Variants in GRB10 observed in about 807,000 individuals in gnomAD.
GRB10 encodes growth factor receptor-bound protein 10.
GRB10 carries 20 observed loss-of-function variants against 80.9 expected under a neutral mutation model. The ratio of observed to expected loss-of-function variants is 0.25; its 90% CI spans 0.17 to 0.36. The LOEUF (loss-of-function observed/expected upper bound fraction) is 0.36, where lower values mean the gene tolerates loss of function less well. Among genes scored for constraint, GRB10 ranks in the 10% least tolerant of loss-of-function variants. GRB10 has a pLI of 1.00. For synonymous variants in GRB10, 291 were observed against 291.5 expected (o/e 1.00, Z 0.02); for missense variants, 548 against 747.7 (o/e 0.73, Z 3.12).
At chr7:50,623,124 C>T (rs1389154843) in intron 8 of GRB10, among the ~76,000 whole-genome samples, 2 of 152,170 alleles carry the variant, frequency 1.3e-5, no homozygotes, top group Non-Finnish European at 2.9e-5. Context: ...TCCAAAAAAC[C>T]TGCCCCATTC....
At chr7:50,712,189 C>T (rs958464538) in intron 4 of GRB10, among the ~76,000 whole-genome samples, 3 of 152,168 alleles carry the variant, frequency 2.0e-5, no homozygotes, top group Admixed American at 6.5e-5. Context: ...AAACTAGTCC[C>T]TCAAATGGAA....
chr7:50,610,835 C>A (rs1330744734), intron 13 of GRB10, among the ~76,000 whole-genome samples: 1 of 152,180 alleles, frequency 6.6e-6, no homozygotes, highest in Admixed American at 6.5e-5. Flanking sequence ...GTCACTCTGC[C>A]CACATCCTTT....
intron 4 of GRB10, among the ~76,000 whole-genome samples, chr7:50,709,554 A>ACT (rs570427018): frequency 1.4e-5 from 1 of 69,332 alleles, no homozygotes; most frequent in Non-Finnish European, 3.4e-5. Flanking sequence ...CCTCCATTAA[A>ACT]CTCTTTTTTT....
chr7:50,726,632 C>T lies in GRB10; in HGVS notation c.51+5640G>A, dbSNP rs79028767. Among the ~76,000 whole-genome samples, 1,279 of 152,228 alleles carry T rather than the reference C, an allele frequency of 8.4e-3. 11 individuals are homozygous for T. Among genetic ancestry groups the T allele is most frequent in the Non-Finnish European group, 0.014 (965 of 68,020 alleles). ...TGATTTTAAGACATGCCCCACTCCC[C>T]ATTTTAACATTTTAAAAATGCAAAC... is the stretch of plus-strand genomic sequence containing the variant. On this transcript the variant is annotated intron_variant, in intron 4 of 18. Coordinates refer to ENST00000401949, the MANE Select transcript of GRB10 (RefSeq NM_001350814.2).
rs556827165 is a variant in GRB10, at chr7:50,739,998, C to T, written c.-46-7630G>A. On this transcript the variant is annotated intron_variant, in intron 3 of 18. Coordinates refer to ENST00000401949, the MANE Select transcript of GRB10 (RefSeq NM_001350814.2). ...TCTGCTTAAAGGAACCTAGCCAGCC[C>T]GGAAACTGTGTGAGGCTGGAGGGAA... is the stretch of plus-strand genomic sequence containing the variant. Among the ~76,000 whole-genome samples the T allele has an allele frequency of 4.6e-5, 7 of 152,292 alleles. No individual in the cohort carries two copies. The South Asian group carries it at 8.3e-4, about 18-fold the overall frequency.
chr7:50,683,052 C>A (rs755067082), intron 5 of GRB10, among the ~76,000 whole-genome samples: 3 of 152,214 alleles, frequency 2.0e-5, no homozygotes, highest in Non-Finnish European at 2.9e-5. Flanking sequence ...CTATTCACAA[C>A]CCAAAGGCGG....
chr7:50,732,403 G>GA (rs796741671), intron 3 of GRB10, 35 bp from the exon 4 acceptor site: 134,192 of 828,154 alleles, frequency 0.16, 32 homozygotes, highest in South Asian at 0.18. Flanking sequence ...AGCCAAGCCA[G>GA]AAAAAAAAAA....
At chr7:50,632,953 C>T (rs2245966) in intron 7 of GRB10, among the ~76,000 whole-genome samples, 80,133 of 151,848 alleles carry the variant, frequency 0.53, 21,282 homozygotes, top group Admixed American at 0.54. Flanking sequence ...CTCTGCCGCC[C>T]CCAGCCAGGG....
At chr7:50,772,668 G>A (rs528624962) in intron 2 of GRB10, among the ~76,000 whole-genome samples, 1 of 152,280 alleles carries the variant, frequency 6.6e-6, no homozygotes, top group African/African-American at 2.4e-5. Context: ...GAAAACATAT[G>A]CAAAAATCTT....
Position 50,645,563 on chromosome 7 carries a change from A to C in GRB10, c.505-18585T>G, listed in dbSNP as rs146070621. On this transcript the variant is annotated intron_variant, in intron 7 of 18. Transcript: ENST00000401949. ...CAGCTCAGAAGGTCTAACACCAAGA[A>C]GAATAAGTACCTGAAACTGACTGTG... is the stretch of plus-strand genomic sequence containing the variant. 4 of 979,140 alleles carry C rather than the reference A, an allele frequency of 4.1e-6. No homozygotes were observed. The Admixed American group carries it at 1.8e-4, about 45-fold the overall frequency. 60.7% of individuals were successfully genotyped at this position (979,140 alleles called of 1,614,324 possible).
At chr7:50,665,977 C>G (rs777074661) in intron 7 of GRB10, among the ~76,000 whole-genome samples, 3 of 152,320 alleles carry the variant, frequency 2.0e-5, no homozygotes, top group East Asian at 3.9e-4. Flanking sequence ...CAGCACAGCA[C>G]TCAGGAAGAA....
chr7:50,757,110 G>C (rs929374340), intron 2 of GRB10, among the ~76,000 whole-genome samples: 29 of 152,156 alleles, frequency 1.9e-4, no homozygotes, highest in Non-Finnish European at 1.0e-4. Context: ...CAGTCAAATG[G>C]CTGTTTTTTG....
At chr7:50,615,676 C>T (rs921199546) in intron 11 of GRB10, among the ~76,000 whole-genome samples, 4 of 152,200 alleles carry the variant, frequency 2.6e-5, no homozygotes, top group Admixed American at 6.5e-5. Flanking sequence ...TATATGTGGA[C>T]AGCACAAGAA....
chr7:50,674,770 T>C, intron 5 of GRB10, 112 bp from the exon 6 acceptor site: 5 of 873,642 alleles, frequency 5.7e-6, no homozygotes, highest in Non-Finnish European at 9.3e-6. Context: ...TTTTCAAATA[T>C]TATGGAAGGG....
At chr7:50,670,181 C>G (rs1334606203) in intron 6 of GRB10, among the ~76,000 whole-genome samples, 1 of 152,116 alleles carries the variant, frequency 6.6e-6, no homozygotes, top group African/African-American at 2.4e-5. Flanking sequence ...ACACACCAGT[C>G]ACAAAACCAG....
intron 1 of GRB10, among the ~76,000 whole-genome samples, chr7:50,790,366 TAAAAA>T (rs1351306283): frequency 6.6e-6 from 1 of 151,622 alleles, no homozygotes; most frequent in African/African-American, 2.4e-5. Context: ...TACAGTTATA[TAAAAA>T]ATAAAATAGC....
intron 10 of GRB10, among the ~76,000 whole-genome samples, chr7:50,617,447 C>G (rs879233255): frequency 6.6e-6 from 1 of 152,088 alleles, no homozygotes; most frequent in Admixed American, 6.5e-5. Context: ...TGTAACATTC[C>G]CATTCCCCAC....
chr7:50,620,493 G>A (rs1037159674), intron 8 of GRB10, among the ~76,000 whole-genome samples: 1 of 152,170 alleles, frequency 6.6e-6, no homozygotes, highest in African/African-American at 2.4e-5. Context: ...CGACCGGCAT[G>A]CAGAAGCAAA....
At chr7:50,787,265 G>GAGC (rs1440006431), upstream of GRB10, among the ~76,000 whole-genome samples, 1 of 90,318 alleles carries the variant, frequency 1.1e-5, no homozygotes, top group East Asian at 5.6e-4. Flanking sequence ...GGGCTCTGGA[G>GAGC]AGCAGGAGGA....
Sources: gnomAD v4.1 joint callset for allele counts (sites outside exome capture counted in the v4.1 genomes callset) on GRCh38, gnomAD v4.1.1 for gene constraint, MANE v1.5 for transcripts, NCBI Gene and HGNC (gene_info 2026-07-23, HGNC 2026-07-21) for gene names.